Variants in PFKFB3 observed in about 807,000 individuals in gnomAD.
The protein encoded by PFKFB3 is 6-phosphofructo-2-kinase/fructose-2,6-bisphosphatase 3.
In PFKFB3, 33 loss-of-function variants were observed where a neutral mutation model predicts 68.0. The observed-to-expected ratio is 0.49, with a 90% CI of 0.37 to 0.65. The LOEUF (loss-of-function observed/expected upper bound fraction) is 0.65. Among genes scored for constraint, PFKFB3 ranks in the 30% least tolerant of loss-of-function variants. The pLI is 0.00. For missense variants in PFKFB3, 586 were observed against 712.2 expected (o/e 0.82, Z 2.02); for synonymous variants, 315 against 288.2 (o/e 1.09, Z -0.94).
intron 1 of PFKFB3, among the ~76,000 whole-genome samples, chr10:6,184,473 T>C (rs565595535): frequency 1.3e-5 from 2 of 152,070 alleles, no homozygotes; most frequent in Admixed American, 6.6e-5. Flanking sequence ...TTCTTTTTTT[T>C]ATTTTGTATT....
intron 1 of PFKFB3, among the ~76,000 whole-genome samples, chr10:6,182,589 C>T (rs1842747910): frequency 6.6e-6 from 1 of 152,212 alleles, no homozygotes; most frequent in Non-Finnish European, 1.5e-5. Flanking sequence ...TCCAGCAGAG[C>T]AGTAGGTCCC....
At chr10:6,231,500 C>G (rs1021114244) in intron 14 of PFKFB3, 2 of 985,230 alleles carry the variant, frequency 2.0e-6, no homozygotes, top group Admixed American at 6.1e-5. Flanking sequence ...AGCTGGGGCC[C>G]CTGGGTGAAG....
At chr10:6,225,777 A>C (rs574382408) in intron 13 of PFKFB3, among the ~76,000 whole-genome samples, 33 of 148,674 alleles carry the variant, frequency 2.2e-4, no homozygotes, top group Admixed American at 1.7e-3. Context: ...GGGAGTCAGC[A>C]CAGTTGCCTT....
downstream of PFKFB3, among the ~76,000 whole-genome samples, chr10:6,258,543 T>G (rs2132087887): frequency 6.6e-6 from 1 of 152,320 alleles, no homozygotes. Context: ...AGTCTGCAAT[T>G]AAACATAATA....
At chr10:6,313,422 C>G in the PFKFB3 span, among the ~76,000 whole-genome samples, 1 of 152,156 alleles carries the variant, frequency 6.6e-6, no homozygotes, top group African/African-American at 2.4e-5. The surrounding 1 kb of genome is among the most constrained non-coding windows in gnomAD (Gnocchi z 4.2). Flanking sequence ...GCCGAACACG[C>G]TGGGTGCTGG....
At chr10:6,263,604 A>T in the PFKFB3 span, among the ~76,000 whole-genome samples, 1 of 152,188 alleles carries the variant, frequency 6.6e-6, no homozygotes, top group Non-Finnish European at 1.5e-5. Context: ...AGCAAGGGGG[A>T]AATGAAGAGT....
upstream of PFKFB3, among the ~76,000 whole-genome samples, chr10:6,198,978 T>C (rs1247510719): frequency 2.0e-5 from 3 of 152,244 alleles, no homozygotes; most frequent in Non-Finnish European, 4.4e-5. Flanking sequence ...ACCCCCAACA[T>C]GACATTGTGT....
rs995611890 is a variant in PFKFB3 at position 6,234,860 on chromosome 10, T to C, written c.*1918T>C. ...TGACTACCTAAAATCAATACCTAAA[T>C]ACAGAAGCCTTGGTCTAACACGGGA... is the stretch of plus-strand genomic sequence containing the variant. On this transcript the variant is annotated 3_prime_UTR_variant, in exon 15 of 15. Transcript: ENST00000379775. 6.6e-6 allele frequency: 1 copy of C among 152,240 alleles called. No homozygotes were observed. The highest frequency in any genetic ancestry group is 2.1e-4 in the South Asian group (1 of 4,824). 9.4% of individuals were successfully genotyped at this position (152,240 alleles called of 1,614,324 possible).
the PFKFB3 span, among the ~76,000 whole-genome samples, chr10:6,299,097 G>A: frequency 2.6e-3 from 388 of 152,100 alleles, 3 homozygotes; most frequent in East Asian, 0.013. Context: ...GTTTTTCCTG[G>A]TGTTTCCTTT....
intron 1 of PFKFB3, among the ~76,000 whole-genome samples, chr10:6,152,977 C>G (rs1313096738): frequency 6.6e-6 from 1 of 152,006 alleles, no homozygotes; most frequent in East Asian, 1.9e-4. Context: ...CTCAGAAGTT[C>G]GAGACCAGCT....
chr10:6,182,547 C>A (rs1342863626), intron 1 of PFKFB3, among the ~76,000 whole-genome samples: 1 of 152,242 alleles, frequency 6.6e-6, no homozygotes, highest in Admixed American at 6.5e-5. Context: ...GGTCTCCACG[C>A]CAGCACTGTG....
At chr10:6,167,793 T>A (rs1420929436) in intron 1 of PFKFB3, among the ~76,000 whole-genome samples, 2 of 152,234 alleles carry the variant, frequency 1.3e-5, no homozygotes, top group African/African-American at 2.4e-5. Context: ...TTATTCATCC[T>A]AAACCTTGGT....
At chr10:6,252,975 G>A (rs754975440) in intron 14 of PFKFB3, among the ~76,000 whole-genome samples, 30 of 152,210 alleles carry the variant, frequency 2.0e-4, no homozygotes, top group Non-Finnish European at 4.0e-4. Context: ...CTAGAGTGCA[G>A]TGGCGCGATG....
chr10:6,150,969 T>A (rs1476363306), intron 1 of PFKFB3, among the ~76,000 whole-genome samples: 1 of 152,042 alleles, frequency 6.6e-6, no homozygotes, highest in Non-Finnish European at 1.5e-5. Context: ...CACTGCACCC[T>A]GGCCTGGGCG....
Position 6,202,940 on chromosome 10 carries a change from C to T in PFKFB3, c.-321C>T. ...GGTGCGCGGGGCATCCCAGCCAAGC[C>T]GGAGAGGAGGCGAGCAGCAGGGCCT... On this transcript the variant is annotated 5_prime_UTR_variant, in exon 1 of 15. Transcript: ENST00000379775. 7 of 1,235,430 alleles carry T rather than the reference C, an allele frequency of 5.7e-6. No homozygotes were observed. The highest frequency in any genetic ancestry group is 4.6e-5 in the Admixed American group (1 of 21,832). 76.5% of individuals were successfully genotyped at this position (1,235,430 alleles called of 1,614,324 possible). A position where few individuals can be genotyped will look rare whatever the true frequency, so the allele number is the denominator to read the frequency against.
At chr10:6,293,845 A>G in the PFKFB3 span, 1 of 396,864 alleles carries the variant, frequency 2.5e-6, no homozygotes, top group Non-Finnish European at 5.1e-6. Context: ...CCCAAATCTC[A>G]GACCAACCAA....
chr10:6,269,666 A>G, the PFKFB3 span, among the ~76,000 whole-genome samples: 1 of 152,088 alleles, frequency 6.6e-6, no homozygotes, highest in Non-Finnish European at 1.5e-5. Flanking sequence ...GTGTGGAGAG[A>G]GGAGGCAGTA....
rs1564599577 is a variant in PFKFB3 at position 6,177,390 on chromosome 10, T to TTCTTTCTTTCTTCCTTTCTTTTCTTTC, written c.16+32389_16+32390insCCTTTCTTTTCTTTCTCTTTCTTTCTT. Among the ~76,000 whole-genome samples, 72 of 63,714 alleles carry TTCTTTCTTTCTTCCTTTCTTTTCTTTC rather than the reference T, an allele frequency of 1.1e-3. 1 individual carries two copies. The highest frequency in any genetic ancestry group is 2.8e-3 in the Non-Finnish European group (53 of 18,756). 41.8% of individuals were successfully genotyped at this position (63,714 alleles called of 152,430 possible). A position where few individuals can be genotyped will look rare whatever the true frequency, so the allele number is the denominator to read the frequency against. ...TTTCTTTCTTTCTTTCTTTCTTTCT[T>TTCTTTCTTTCTTCCTTTCTTTTCTTTC]TCTTTCTTTCTTTCTTTCTTCTTTC... On this transcript the variant is annotated intron_variant, in intron 1 of 14. Coordinates refer to the PFKFB3 transcript ENST00000379789.
intron 7 of PFKFB3, among the ~76,000 whole-genome samples, 174 bp downstream of exon 7, chr10:6,219,867 C>A (rs553796682): frequency 6.6e-6 from 1 of 151,130 alleles, no homozygotes; most frequent in African/African-American, 2.4e-5. Context: ...GAGCTCCTGG[C>A]CTCAGGTGAT....
Sources: gnomAD v4.1 joint callset for allele counts (sites outside exome capture counted in the v4.1 genomes callset) on GRCh38, gnomAD v4.1.1 for gene constraint, Gnocchi (gnomAD v3.1) non-coding constraint, MANE v1.5 for transcripts, NCBI Gene and HGNC (gene_info 2026-07-23, HGNC 2026-07-21) for gene names.